The following ANKRD6 variants were observed in gnomAD, a reference collection of about 807,000 sequenced individuals.
ANKRD6 encodes ankyrin repeat domain-containing protein 6.
A neutral mutation model predicts 82.3 loss-of-function variants in ANKRD6; 56 were observed. That is an observed-to-expected ratio of 0.68 (90% CI 0.55 to 0.85). The LOEUF (loss-of-function observed/expected upper bound fraction) is 0.85. Among genes scored for constraint, ANKRD6 ranks in the 40% least tolerant of loss-of-function variants. The pLI is 0.00. For missense variants in ANKRD6, 852 were observed against 907.6 expected, an observed-to-expected ratio of 0.94 and a Z score of 0.79; for synonymous variants, 347 against 352.1, an observed-to-expected ratio of 0.99 and a Z score of 0.16.
At chr6:89,543,528 A>T (rs1212135497) in intron 1 of ANKRD6, among the ~76,000 whole-genome samples, 3 of 152,192 alleles carry the variant, frequency 2.0e-5, no homozygotes, top group African/African-American at 7.2e-5. Flanking sequence ...ACCCGTATCT[A>T]ACAGTCTGAA....
At chr6:89,594,866 C>G (rs1440683606) in intron 2 of ANKRD6, among the ~76,000 whole-genome samples, 2 of 152,032 alleles carry the variant, frequency 1.3e-5, no homozygotes, top group African/African-American at 2.4e-5. Flanking sequence ...CCTTAGCCTC[C>G]TAGGTAGCTG....
intron 1 of ANKRD6, 60 bp from the exon 2 acceptor site, chr6:89,566,774 G>A: frequency 1.7e-6 from 1 of 590,808 alleles, no homozygotes; most frequent in South Asian, 2.1e-5. Context: ...CAGAGAAGAG[G>A]TGTGACCTGT....
intron 2 of ANKRD6, among the ~76,000 whole-genome samples, chr6:89,582,233 TG>T (rs909991179): frequency 2.0e-5 from 3 of 152,150 alleles, no homozygotes; most frequent in African/African-American, 7.2e-5. Context: ...GTAGAGATGG[TG>T]GGGGTGGAGT....
chr6:89,593,870 G>A (rs1422193536), intron 2 of ANKRD6, among the ~76,000 whole-genome samples: 1 of 152,232 alleles, frequency 6.6e-6, no homozygotes, highest in East Asian at 1.9e-4. Flanking sequence ...ACATCAAAAA[G>A]TGTTATTTCT....
intron 1 of ANKRD6, among the ~76,000 whole-genome samples, chr6:89,541,874 G>T (rs921449810): frequency 2.0e-5 from 3 of 151,518 alleles, no homozygotes; most frequent in Non-Finnish European, 4.4e-5. Flanking sequence ...AGTTATGACT[G>T]CAGAATAACA....
At chr6:89,448,046 A>C (rs1194275167) in intron 1 of ANKRD6, among the ~76,000 whole-genome samples, 1 of 152,106 alleles carries the variant, frequency 6.6e-6, no homozygotes, top group Non-Finnish European at 1.5e-5. Context: ...AATCCAAAGA[A>C]TAGGCCGACT....
intron 2 of ANKRD6, among the ~76,000 whole-genome samples, chr6:89,583,366 G>A (rs1400742962): frequency 1.3e-5 from 2 of 152,212 alleles, no homozygotes; most frequent in African/African-American, 2.4e-5. Flanking sequence ...CATATGCTGT[G>A]AATTGTTGTG....
At chr6:89,533,251 C>T (rs149476468) in intron 1 of ANKRD6, among the ~76,000 whole-genome samples, 7 of 152,226 alleles carry the variant, frequency 4.6e-5, no homozygotes, top group African/African-American at 9.6e-5. Context: ...TCTTGACATA[C>T]GTAAATACTA....
intron 2 of ANKRD6, among the ~76,000 whole-genome samples, chr6:89,570,699 A>G (rs1789651326): frequency 6.6e-6 from 1 of 152,204 alleles, no homozygotes; most frequent in Non-Finnish European, 1.5e-5. Flanking sequence ...TTCAAGATTC[A>G]CTCATGTAGC....
intron 1 of ANKRD6, among the ~76,000 whole-genome samples, chr6:89,555,154 C>T (rs1205532779): frequency 2.1e-5 from 3 of 143,590 alleles, no homozygotes; most frequent in African/African-American, 5.1e-5. Context: ...CCTCCCTTGA[C>T]AAGTCAGCTT....
chr6:89,595,843 C>G, intron 2 of ANKRD6, 73 bp from the exon 3 acceptor site: 2 of 1,258,446 alleles, frequency 1.6e-6, no homozygotes, highest in Admixed American at 2.0e-5. Context: ...AAACCTTGCT[C>G]TAGGCCCTCT....
At chr6:89,583,882 G>A (rs534549941) in intron 2 of ANKRD6, among the ~76,000 whole-genome samples, 6 of 152,342 alleles carry the variant, frequency 3.9e-5, no homozygotes, top group Admixed American at 3.9e-4. Flanking sequence ...AGGTAGGCTT[G>A]GTGGGAGTTT....
At chr6:89,502,198 C>T (rs1779343870) in intron 1 of ANKRD6, among the ~76,000 whole-genome samples, 1 of 152,234 alleles carries the variant, frequency 6.6e-6, no homozygotes, top group Non-Finnish European at 1.5e-5. Flanking sequence ...CTGGGGTTTA[C>T]ACTGCCTGTT....
intron 1 of ANKRD6, among the ~76,000 whole-genome samples, chr6:89,484,336 G>C (rs1049668835): frequency 6.6e-6 from 1 of 152,180 alleles, no homozygotes; most frequent in Non-Finnish European, 1.5e-5. Flanking sequence ...TTGTCATGCT[G>C]TGGGCTTATT....
rs1004881200 is a variant in ANKRD6, at chr6:89,433,530, G to T, written c.-144+155G>T. 2.0e-5 allele frequency among the ~76,000 whole-genome samples: 3 copies of T among 152,184 alleles called. No homozygotes were observed. The highest frequency in any genetic ancestry group is 1.3e-4 in the Admixed American group (2 of 15,288). ...GGAGGAGACCCGGACACCGCGCCTC[G>T]CCCCCTGGCCTGCGGCCTCCGAAAA... On this transcript the variant is annotated intron_variant, in intron 1 of 15. Transcript: ENST00000339746. The surrounding 1 kb of genome is among the most constrained non-coding windows in gnomAD (Gnocchi z 4.3).
At chr6:89,477,792 T>C (rs1229190586) in intron 1 of ANKRD6, among the ~76,000 whole-genome samples, 2 of 148,908 alleles carry the variant, frequency 1.3e-5, no homozygotes, top group East Asian at 3.9e-4. Context: ...AAAAAAAGAA[T>C]TCTTTTTCAA....
intron 1 of ANKRD6, among the ~76,000 whole-genome samples, chr6:89,456,886 A>G (rs966574499): frequency 7.2e-5 from 11 of 152,224 alleles, no homozygotes; most frequent in Non-Finnish European, 1.6e-4. Context: ...TAAAACAGCA[A>G]CAATGATTTA....
chr6:89,518,439 A>G (rs1477922718), intron 1 of ANKRD6, among the ~76,000 whole-genome samples: 1 of 152,016 alleles, frequency 6.6e-6, no homozygotes, highest in African/African-American at 2.4e-5. Context: ...TGACAAACAC[A>G]GGTAAGTGAT....
intron 1 of ANKRD6, among the ~76,000 whole-genome samples, chr6:89,524,941 T>A (rs1170572990): frequency 1.3e-5 from 2 of 152,038 alleles, no homozygotes; most frequent in African/African-American, 4.8e-5. Context: ...TAAGGTGGTA[T>A]CTGATTATGG....
Sources: allele counts gnomAD v4.1 joint callset (sites outside exome capture counted in the v4.1 genomes callset), GRCh38; gene constraint gnomAD v4.1.1; non-coding constraint Gnocchi (gnomAD v3.1); transcripts MANE v1.5; gene names NCBI Gene and HGNC (gene_info 2026-07-23, HGNC 2026-07-21).